MYLK4: variants seen among roughly 807,000 people sequenced by gnomAD.
MYLK4 encodes the protein myosin light chain kinase family member 4, also known as caMLCK like.
Under a neutral mutation model 48.1 loss-of-function variants are expected in MYLK4, and 46 were observed. The ratio of observed to expected loss-of-function variants is 0.96; its 90% CI spans 0.75 to 1.22. The LOEUF (loss-of-function observed/expected upper bound fraction) is 1.22. MYLK4 is among the 50% of genes most tolerant of loss of function. The pLI is 0.00. For missense variants in MYLK4, 451 were observed against 486.1 expected (o/e 0.93, Z 0.68); for synonymous variants, 170 against 180.8 (o/e 0.94, Z 0.48).
intron 12 of MYLK4, among the ~76,000 whole-genome samples, chr6:2,670,094 G>A (rs534751716): frequency 4.6e-5 from 7 of 152,282 alleles, no homozygotes; most frequent in South Asian, 4.1e-4. Flanking sequence ...GGCCAGGCCC[G>A]GTGGCTCACG....
intron 3 of MYLK4, among the ~76,000 whole-genome samples, chr6:2,690,412 G>C (rs1761732003): frequency 6.6e-6 from 1 of 152,218 alleles, no homozygotes; most frequent in Admixed American, 6.5e-5. Flanking sequence ...GGGATTCGTG[G>C]GGGTAGAAAT....
chr6:2,729,891 C>T (rs1320114610), intron 2 of MYLK4, among the ~76,000 whole-genome samples: 3 of 152,290 alleles, frequency 2.0e-5, no homozygotes, highest in East Asian at 1.9e-4. Flanking sequence ...GCCACTGGGC[C>T]GAAAGCAACT....
At chr6:2,679,825 C>T (rs536444908) in intron 8 of MYLK4, among the ~76,000 whole-genome samples, 10 of 152,330 alleles carry the variant, frequency 6.6e-5, no homozygotes, top group South Asian at 4.1e-4. Flanking sequence ...AATGTGTCCA[C>T]GTAAACTCTT....
the MYLK4 span, among the ~76,000 whole-genome samples, chr6:2,760,844 C>T: frequency 6.6e-6 from 1 of 152,008 alleles, no homozygotes; most frequent in Admixed American, 6.6e-5. Flanking sequence ...ATAAACAATA[C>T]GAAATGTGGC....
intron 12 of MYLK4, among the ~76,000 whole-genome samples, chr6:2,670,816 C>T (rs1760857990): frequency 6.6e-6 from 1 of 152,126 alleles, no homozygotes; most frequent in Admixed American, 6.5e-5. Context: ...AACCACACTC[C>T]ACCCTTTACA....
Position 2,681,266 on chromosome 6 carries a change from A to G in MYLK4, c.688-975T>C, listed in dbSNP as rs554289762. Among the ~76,000 whole-genome samples, 68 of 152,290 alleles carry G rather than the reference A, an allele frequency of 4.5e-4. 1 individual carries two copies. Among genetic ancestry groups the G allele is most frequent in the African/African-American group, 1.6e-3 (68 of 41,564 alleles). On this transcript the variant is annotated intron_variant, in intron 7 of 12. Coordinates refer to ENST00000274643, the MANE Select transcript of MYLK4 (RefSeq NM_001012418.5). ...CAGGTGGAGAAGAGGTTCCAATGAGATCAGAAATTCAGAAACACATTATGA... is the reference window on the plus strand; with the variant it reads ...CAGGTGGAGAAGAGGTTCCAATGAGGTCAGAAATTCAGAAACACATTATGA...
the MYLK4 span, among the ~76,000 whole-genome samples, chr6:2,757,779 T>C: frequency 1.3e-5 from 2 of 152,212 alleles, no homozygotes; most frequent in Non-Finnish European, 2.9e-5. Context: ...ATAGATAAGA[T>C]TGCTATACCA....
At chr6:2,753,489 G>A (rs1261646412), upstream of MYLK4, among the ~76,000 whole-genome samples, 1 of 151,994 alleles carries the variant, frequency 6.6e-6, no homozygotes. Flanking sequence ...CACTGAATAC[G>A]ACCCATAAAA....
the MYLK4 span, among the ~76,000 whole-genome samples, chr6:2,765,191 C>A: frequency 2.0e-5 from 2 of 98,398 alleles, no homozygotes; most frequent in Non-Finnish European, 2.3e-5. Context: ...AACCCCCCCC[C>A]CCGCCCCTCC....
intron 2 of MYLK4, among the ~76,000 whole-genome samples, chr6:2,718,128 C>T (rs369707763): frequency 6.9e-4 from 103 of 148,226 alleles, no homozygotes; most frequent in African/African-American, 2.5e-3. Flanking sequence ...TGCAGTGAGC[C>T]GAGATCACAC....
chr6:2,701,144 G>A (rs1762266104), intron 2 of MYLK4, among the ~76,000 whole-genome samples: 1 of 152,084 alleles, frequency 6.6e-6, no homozygotes, highest in Non-Finnish European at 1.5e-5. Context: ...ACCTTGGAAT[G>A]TTTTCGCATG....
chr6:2,762,919 G>A, the MYLK4 span, among the ~76,000 whole-genome samples: 3 of 152,152 alleles, frequency 2.0e-5, no homozygotes, highest in Non-Finnish European at 2.9e-5. Context: ...TCCACAGTGA[G>A]TATTACCACT....
At chr6:2,684,633 AAAT>A (rs1263391741) in intron 6 of MYLK4, among the ~76,000 whole-genome samples, 1 of 152,146 alleles carries the variant, frequency 6.6e-6, no homozygotes, top group Admixed American at 6.5e-5. Flanking sequence ...ACAACAACAA[AAAT>A]AATACAAATT....
chr6:2,711,152 C>A (rs1265746666), intron 2 of MYLK4, among the ~76,000 whole-genome samples: 2 of 152,192 alleles, frequency 1.3e-5, no homozygotes, highest in South Asian at 4.1e-4. Context: ...AACTGCTGCT[C>A]AGGTTCATAT....
the MYLK4 span, chr6:2,765,350 CCGCGCGAGG>C: frequency 0.037 from 10,668 of 286,282 alleles, 300 homozygotes; most frequent in Non-Finnish European, 0.049. Context: ...TACTTACATG[CCGCGCGAGG>C]CGCCTCCGCC....
chr6:2,702,507 G>A lies in MYLK4; in HGVS notation c.160-9648C>T, dbSNP rs75116001. ...GAAGGGTGGGGTGGGGAAGGAAGGCGGAAAGATGAGCTGTTGATTAAAGGG... is the reference window on the plus strand; with the variant it reads ...GAAGGGTGGGGTGGGGAAGGAAGGCAGAAAGATGAGCTGTTGATTAAAGGG... On this transcript the variant is annotated intron_variant, in intron 2 of 12. Coordinates refer to ENST00000274643, the MANE Select transcript of MYLK4 (RefSeq NM_001012418.5). Among the ~76,000 whole-genome samples the A allele has an allele frequency of 3.5e-3, 529 of 152,242 alleles. 2 individuals carry two copies. The highest frequency in any genetic ancestry group is 0.011 in the South Asian group (54 of 4,826).
intron 2 of MYLK4, among the ~76,000 whole-genome samples, chr6:2,741,736 T>C (rs1763906606): frequency 1.1e-5 from 1 of 90,768 alleles, no homozygotes; most frequent in Non-Finnish European, 2.4e-5. Flanking sequence ...TACACTCTAA[T>C]TTAGGAGAGA....
rs1440712524 is a variant in MYLK4 at position 2,673,695 on chromosome 6, G to A, written c.1119+1352C>T. On this transcript the variant is annotated intron_variant, in intron 11 of 12. Transcript: ENST00000274643. The surrounding 1 kb of genome is among the most constrained non-coding windows in gnomAD (Gnocchi z 4.2). ...TCCTAGATGTTCAGTAAAGTTACTT[G>A]GGCATTACACATCTGTTTCTGTGTT... 6.6e-6 allele frequency among the ~76,000 whole-genome samples: 1 copy of A among 152,138 alleles called. No individual in the cohort carries two copies. Among genetic ancestry groups the A allele is most frequent in the African/African-American group, 2.4e-5 (1 of 41,432 alleles).
chr6:2,728,257 T>G (rs1022061624), intron 2 of MYLK4, among the ~76,000 whole-genome samples: 6 of 152,220 alleles, frequency 3.9e-5, no homozygotes, highest in Admixed American at 1.3e-4. Flanking sequence ...TCTCCTTATT[T>G]GTCTTTAGGT....
Sources: gnomAD v4.1 joint callset for allele counts (sites outside exome capture counted in the v4.1 genomes callset) on GRCh38, gnomAD v4.1.1 for gene constraint, Gnocchi (gnomAD v3.1) non-coding constraint, MANE v1.5 for transcripts, NCBI Gene and HGNC (gene_info 2026-07-23, HGNC 2026-07-21) for gene names.